Variants in DCDC1 observed in about 807,000 individuals in gnomAD.
The protein encoded by DCDC1 is doublecortin domain containing 1.
Under a neutral mutation model 178.3 loss-of-function variants are expected in DCDC1, and 200 were observed. The ratio of observed to expected loss-of-function variants is 1.12; its 90% CI spans 1.00 to 1.26. The LOEUF (loss-of-function observed/expected upper bound fraction) is 1.26. Among genes scored for constraint, DCDC1 ranks in the 50% most tolerant of loss-of-function variants. The probability of loss-of-function intolerance (pLI) is 0.00; values close to 1 mark genes in which losing one functional copy is unlikely to be tolerated. For missense variants in DCDC1, 1,983 were observed against 1,749.2 expected (o/e 1.13, Z -2.38); for synonymous variants, 690 against 604.8 (o/e 1.14, Z -2.07).
At chr11:31,223,175 T>C (rs531026941) in intron 9 of DCDC1, among the ~76,000 whole-genome samples, 4 of 152,230 alleles carry the variant, frequency 2.6e-5, no homozygotes, top group East Asian at 3.9e-4. Flanking sequence ...TGCAAAGAAA[T>C]TGATTTCAGG....
intron 20 of DCDC1, among the ~76,000 whole-genome samples, chr11:31,034,534 C>A (rs1480935130): frequency 6.6e-6 from 1 of 152,038 alleles, no homozygotes; most frequent in Non-Finnish European, 1.5e-5. Flanking sequence ...TTTTACTGTG[C>A]CTTTTCTATG....
At chr11:30,903,141 G>A (rs1944819240) in intron 32 of DCDC1, among the ~76,000 whole-genome samples, 1 of 151,946 alleles carries the variant, frequency 6.6e-6, no homozygotes, top group Non-Finnish European at 1.5e-5. Flanking sequence ...TTCTGAGTAA[G>A]AACAAAACCA....
At chr11:30,922,158 G>C (rs1323948747) in intron 24 of DCDC1, among the ~76,000 whole-genome samples, 1 of 152,216 alleles carries the variant, frequency 6.6e-6, no homozygotes, top group Non-Finnish European at 1.5e-5. Context: ...AACTTAACGT[G>C]AGATTCTGGA....
At chr11:31,072,717 T>A (rs1036239605) in intron 18 of DCDC1, among the ~76,000 whole-genome samples, 1 of 152,104 alleles carries the variant, frequency 6.6e-6, no homozygotes, top group South Asian at 2.1e-4. Flanking sequence ...GACAAAAGAC[T>A]TATCCAAGTA....
At chr11:31,098,383 G>A (rs1474526220) in intron 15 of DCDC1, among the ~76,000 whole-genome samples, 1 of 152,144 alleles carries the variant, frequency 6.6e-6, no homozygotes, top group Non-Finnish European at 1.5e-5. Context: ...TTCCAAATCT[G>A]TTTTTGAAAT....
intron 16 of DCDC1, 109 bp from the exon 17 acceptor site, chr11:31,091,620 A>G: frequency 1.6e-6 from 1 of 627,498 alleles, no homozygotes; most frequent in African/African-American, 1.8e-5. Context: ...AACCCTGGAT[A>G]TTAACAGTTG....
intron 9 of DCDC1, among the ~76,000 whole-genome samples, chr11:31,234,806 C>T (rs1976254628): frequency 6.6e-6 from 1 of 152,138 alleles, no homozygotes; most frequent in Non-Finnish European, 1.5e-5. Context: ...CAGCTGAAGA[C>T]TCAGCATGAT....
At chr11:30,960,419 C>A (rs1279211321) in intron 20 of DCDC1, among the ~76,000 whole-genome samples, 1 of 152,068 alleles carries the variant, frequency 6.6e-6, no homozygotes, top group Admixed American at 6.6e-5. Context: ...CATGTAAAAG[C>A]AATAGAACTC....
intron 20 of DCDC1, among the ~76,000 whole-genome samples, chr11:31,006,898 T>C (rs532319415): frequency 6.6e-6 from 1 of 152,322 alleles, no homozygotes; most frequent in East Asian, 1.9e-4. Context: ...CTCCCAGTCA[T>C]TTAGGTTTAG....
intron 17 of DCDC1, among the ~76,000 whole-genome samples, chr11:31,089,192 T>C (rs1465691374): frequency 6.6e-6 from 1 of 152,180 alleles, no homozygotes; most frequent in Non-Finnish European, 1.5e-5. Context: ...ACATTTTCAC[T>C]GGGGAAAGTT....
chr11:31,270,832 A>G lies in DCDC1; in HGVS notation c.961-5232T>C, dbSNP rs938041969. Reference sequence around the variant, plus strand: ...TCTAGTCATTCTTCCTCAATCTTAGATAACTTTTACTACACATAGCTTGCA... The same window carrying G: ...TCTAGTCATTCTTCCTCAATCTTAGGTAACTTTTACTACACATAGCTTGCA... On this transcript the variant is annotated intron_variant, in intron 7 of 38. Coordinates refer to ENST00000684477, the MANE Select transcript of DCDC1 (RefSeq NM_001387274.1). Among the ~76,000 whole-genome samples the G allele has an allele frequency of 5.3e-5, 8 of 152,232 alleles. 1 individual carries two copies. The South Asian group carries it at 1.7e-3, about 31-fold the overall frequency.
chr11:31,359,845 T>C (rs1218255717), intron 1 of DCDC1, among the ~76,000 whole-genome samples: 1 of 152,208 alleles, frequency 6.6e-6, no homozygotes, highest in Non-Finnish European at 1.5e-5. Flanking sequence ...GAAGAGCTTT[T>C]ACATATAAGA....
intron 16 of DCDC1, among the ~76,000 whole-genome samples, chr11:31,091,871 AATAGTGCAGTGAACTG>A (rs1385642233): frequency 2.0e-5 from 3 of 152,222 alleles, no homozygotes; most frequent in Admixed American, 2.0e-4. Flanking sequence ...ACAGAAAAAA[AATAGTGCAGTGAACTG>A]AAAAGACTGA....
intron 20 of DCDC1, among the ~76,000 whole-genome samples, chr11:31,025,772 A>G (rs1953187621): frequency 1.3e-5 from 2 of 151,804 alleles, no homozygotes; most frequent in Non-Finnish European, 1.5e-5. Context: ...ATTAATTCTC[A>G]TCATAATCTC....
At chr11:31,103,617 C>A (rs192091685) in intron 14 of DCDC1, 27 bp downstream of exon 14, 239 of 751,292 alleles carry the variant, frequency 3.2e-4, no homozygotes, top group Admixed American at 6.2e-4. Flanking sequence ...TTAACCACAT[C>A]TTTAACAAGA....
chr11:31,212,408 T>C (rs1174383631), intron 9 of DCDC1, among the ~76,000 whole-genome samples: 2 of 151,986 alleles, frequency 1.3e-5, no homozygotes, highest in Non-Finnish European at 2.9e-5. Flanking sequence ...AAAGGACAAA[T>C]TTAGGGAGAA....
At chr11:30,979,026 G>A (rs1950253536) in intron 20 of DCDC1, among the ~76,000 whole-genome samples, 1 of 152,142 alleles carries the variant, frequency 6.6e-6, no homozygotes, top group South Asian at 2.1e-4. Flanking sequence ...TACAGAGATA[G>A]GAATTCTAAT....
At chr11:31,119,050 G>A (rs1214256339) in intron 11 of DCDC1, among the ~76,000 whole-genome samples, 1 of 152,094 alleles carries the variant, frequency 6.6e-6, no homozygotes, top group Admixed American at 6.6e-5. Context: ...GGGGCAATGA[G>A]GACAGGAGGA....
At chr11:31,273,859 TC>T (rs1945774295) in intron 7 of DCDC1, among the ~76,000 whole-genome samples, 1 of 152,066 alleles carries the variant, frequency 6.6e-6, no homozygotes, top group African/African-American at 2.4e-5. Flanking sequence ...AGAAGGCAAA[TC>T]GGAGCAAGTC....
Sources: gnomAD v4.1 joint callset for allele counts (sites outside exome capture counted in the v4.1 genomes callset) on GRCh38, gnomAD v4.1.1 for gene constraint, MANE v1.5 for transcripts, NCBI Gene and HGNC (gene_info 2026-07-23, HGNC 2026-07-21) for gene names.